The following MPZL2 variants were observed in gnomAD, a reference collection of about 807,000 sequenced individuals.
The protein encoded by MPZL2 is myelin protein zero-like protein 2.
MPZL2 carries 32 observed loss-of-function variants against 24.5 expected under a neutral mutation model. The observed-to-expected ratio is 1.31, with a 90% CI of 0.99 to 1.76. MPZL2 has a LOEUF of 1.76. Ranked by LOEUF, MPZL2 falls within the 40% of genes most tolerant of loss-of-function variation. MPZL2 has a pLI of 0.00. For missense variants in MPZL2, 304 were observed against 274.9 expected (o/e 1.11, Z -0.75); for synonymous variants, 92 against 97.9 (o/e 0.94, Z 0.36).
rs778777554 is a variant in MPZL2, at chr11:118,260,079, C to G, written c.559G>C (p.Ala187Pro). The G allele has an allele frequency of 1.6e-5, 26 of 1,613,880 alleles. No individual in the cohort carries two copies. Among genetic ancestry groups the G allele is most frequent in the Non-Finnish European group, 2.1e-5 (25 of 1,179,918 alleles). ...HYRKKRWAER[A>P]HKVVEIKSKE... ...GATTTTATCTCCACCACTTTATGAG[C>G]TCTTTCGGCCCATCGCTTTTTCCGG... Residue 187 changes from alanine to proline, a missense_variant, in exon 4 of 6, where the codon GCT becomes CCT. Physicochemically the swap from Ala to Pro is conservative, Grantham distance 27. Transcript: ENST00000278937.
rs781031061 is a variant in MPZL2 at position 118,264,198 on chromosome 11, G to C, written c.-45C>G. On this transcript the variant is annotated 5_prime_UTR_variant, in exon 1 of 6. Transcript: ENST00000278937. ...CCCCAGAGACCGGACGGGGCAGACCGAGGGCTCCAACACCCTGCCAAGGCC... is the reference window on the plus strand; with the variant it reads ...CCCCAGAGACCGGACGGGGCAGACCCAGGGCTCCAACACCCTGCCAAGGCC... 10 of 1,599,720 alleles carry C rather than the reference G, an allele frequency of 6.3e-6. No homozygotes were observed. The highest frequency in any genetic ancestry group is 8.6e-6 in the Non-Finnish European group (10 of 1,167,522).
At chr11:118,259,958 G>A in intron 4 of MPZL2, 96 bp downstream of exon 4, 1 of 1,396,340 alleles carries the variant, frequency 7.2e-7, no homozygotes. Flanking sequence ...TTTACTTAAA[G>A]GGAAAAACAT....
rs538994749 is a variant in MPZL2 at position 118,259,855 on chromosome 11, G to A, written c.584+199C>T. On this transcript the variant is annotated intron_variant, in intron 4 of 5. Coordinates refer to ENST00000278937, the MANE Select transcript of MPZL2 (RefSeq NM_005797.4). ...CCCACATAGTAAAGAAATCCCATAA[G>A]GAAATATTTTGTAAAATTAAGAAAG... is the stretch of plus-strand genomic sequence containing the variant. 8.1e-4 allele frequency: 445 copies of A among 549,422 alleles called. 2 individuals are homozygous for A. Among genetic ancestry groups the A allele is most frequent in the Non-Finnish European group, 1.1e-3 (371 of 334,602 alleles). The allele number at this position is 549,422 out of a possible 1,614,324, so 34.0% of individuals were successfully genotyped here. A position where few individuals can be genotyped will look rare whatever the true frequency, so the allele number is the denominator to read the frequency against.
At chr11:118,263,617 C>A (rs1949719067) in intron 1 of MPZL2, among the ~76,000 whole-genome samples, 1 of 152,126 alleles carries the variant, frequency 6.6e-6, no homozygotes, top group South Asian at 2.1e-4. Flanking sequence ...CTTATGTTTG[C>A]CTGCACCCCT....
intron 1 of MPZL2, 61 bp from the exon 2 acceptor site, chr11:118,263,158 G>A: frequency 6.7e-7 from 1 of 1,499,048 alleles, no homozygotes; most frequent in Non-Finnish European, 9.1e-7. Context: ...GAGAACTTCT[G>A]CTGACACTTC....
intron 3 of MPZL2, among the ~76,000 whole-genome samples, chr11:118,260,576 G>T (rs1216693768): frequency 6.6e-6 from 1 of 152,046 alleles, no homozygotes; most frequent in Non-Finnish European, 1.5e-5. Context: ...CTACTTATGG[G>T]GTAAGGTTTT....
At position 118,262,581 on chromosome 11, in the gene MPZL2, T is replaced by G; in HGVS notation, c.293A>C (p.Asp98Ala). The G allele has an allele frequency of 6.2e-7, 1 of 1,614,098 alleles. No individual in the cohort carries two copies. The highest frequency in any genetic ancestry group is 8.5e-7 in the Non-Finnish European group (1 of 1,180,004). ...GGCATCGTACCGCTCAGGATTCCCA[T>G]CCCAAGACACCCGGTCCTTAAACCG... ...SGRFKDRVSW[D>A]GNPERYDASI... The change falls in exon 3 of 6, where the codon GAT becomes GCT. Residue 98 changes from aspartate (D) to alanine (A), a missense_variant. Coordinates refer to ENST00000278937, the MANE Select transcript of MPZL2 (RefSeq NM_005797.4).
intron 2 of MPZL2, 86 bp from the exon 3 acceptor site, chr11:118,262,734 C>A: frequency 4.2e-6 from 6 of 1,425,704 alleles, no homozygotes; most frequent in Non-Finnish European, 4.9e-6. Context: ...GAAACACCAG[C>A]AAACCCAACT....
chr11:118,257,252 A>G lies in MPZL2; in HGVS notation c.646T>C (p.Ter216GlnextTer3), dbSNP rs1458748247. The G allele has an allele frequency of 6.2e-7, 1 of 1,609,264 alleles. No homozygotes were observed. The highest frequency in any genetic ancestry group is 8.5e-7 in the Non-Finnish European group (1 of 1,176,940). ...KVSVYLEDTD[*>Q] is the part of the protein sequence containing the mutation. ...GTGAACCTTACCATCTAAAATTGTT[A>G]GTCTGTGTCTTCTAAATAAACAGAG... The change falls in exon 5 of 6, where the codon TAA becomes CAA. Residue 216 changes from the stop codon to glutamine, a stop_lost. Coordinates refer to ENST00000278937, the MANE Select transcript of MPZL2 (RefSeq NM_005797.4).
Position 118,253,670 on chromosome 11 carries a change from A to T in MPZL2, c.*1576T>A, listed in dbSNP as rs1270516469. On this transcript the variant is annotated 3_prime_UTR_variant, in exon 6 of 6. Coordinates refer to ENST00000278937, the MANE Select transcript of MPZL2 (RefSeq NM_005797.4). ...CATCTGTTTGAAGAAATATCCAGTT[A>T]TAATATTTTCAAAGGTTAGAATTGT... 6.6e-6 allele frequency: 1 copy of T among 152,186 alleles called. No homozygotes were observed. The highest frequency in any genetic ancestry group is 2.1e-4 in the South Asian group (1 of 4,836). The allele number at this position is 152,186 out of a possible 1,614,324, so 9.4% of individuals were successfully genotyped here. A position where few individuals can be genotyped will look rare whatever the true frequency, so the allele number is the denominator to read the frequency against.
At position 118,253,880 on chromosome 11, in the gene MPZL2, G is replaced by GA. The variant is rs1325623450; in HGVS notation, c.*1365dup. The GA allele has an allele frequency of 6.6e-6, 1 of 152,556 alleles. No individual in the cohort carries two copies. The highest frequency in any genetic ancestry group is 2.4e-5 in the African/African-American group (1 of 41,520). The allele number at this position is 152,556 out of a possible 1,614,324, so 9.5% of individuals were successfully genotyped here. On this transcript the variant is annotated 3_prime_UTR_variant, in exon 6 of 6. Transcript: ENST00000278937. The stretch of plus-strand genomic sequence containing the variant: ...TACAATTTTTTAAAAAATAGTATTG[G>GA]AAAAATATCAAGGTCTATACATTTA...
rs538712970 is a variant in MPZL2, at chr11:118,256,354, G to A, written c.*12+884C>T. On this transcript the variant is annotated intron_variant, in intron 5 of 5. Coordinates refer to ENST00000278937, the MANE Select transcript of MPZL2 (RefSeq NM_005797.4). ...TTTCAGAGAATGGGAGAAATTCTGA[G>A]CATATGAAAAATAAATTGGCCCGGC... Among the ~76,000 whole-genome samples the A allele has an allele frequency of 2.6e-5, 4 of 152,276 alleles. No homozygotes were observed. The South Asian group carries it at 8.3e-4, about 32-fold the overall frequency.
chr11:118,262,256 C>T (rs1451917123), intron 3 of MPZL2, among the ~76,000 whole-genome samples, 182 bp downstream of exon 3: 2 of 152,184 alleles, frequency 1.3e-5, no homozygotes, highest in African/African-American at 4.8e-5. Flanking sequence ...CCAAACAAAG[C>T]CTTTCTCTTT....
rs1253803266 is a variant in MPZL2 at position 118,264,138 on chromosome 11, A to G, written c.16T>C (p.Ser6Pro). 1 of 1,613,964 alleles carries G rather than the reference A, an allele frequency of 6.2e-7. No homozygotes were observed. Among genetic ancestry groups the G allele is most frequent in the African/African-American group, 1.3e-5 (1 of 74,906 alleles). The change falls in exon 1 of 6, where the codon TCT becomes CCT. Residue 6 changes from serine to proline, a missense_variant. Coordinates refer to ENST00000278937, the MANE Select transcript of MPZL2 (RefSeq NM_005797.4). Reference sequence around the variant, plus strand: ...AGGAGAAGAAGCACCGCACGAGTAGAGCTCTTGCCATACATGAGGGAAACC... The same window carrying G: ...AGGAGAAGAAGCACCGCACGAGTAGGGCTCTTGCCATACATGAGGGAAACC... MYGKSSTRAVLLLLGI... is the reference protein window; with the variant it reads MYGKSPTRAVLLLLGI...
intron 1 of MPZL2, among the ~76,000 whole-genome samples, chr11:118,263,510 T>C (rs1256741854): frequency 6.6e-6 from 1 of 152,204 alleles, no homozygotes; most frequent in Admixed American, 6.5e-5. Flanking sequence ...GTATGTAAAG[T>C]GGTCTCCTAG....
At chr11:118,258,886 A>G (rs535210403) in intron 4 of MPZL2, among the ~76,000 whole-genome samples, 2 of 152,260 alleles carry the variant, frequency 1.3e-5, no homozygotes, top group South Asian at 2.1e-4. Flanking sequence ...TCAGGAGCCA[A>G]CCAACATCGG....
intron 5 of MPZL2, 129 bp from the exon 6 acceptor site, chr11:118,255,362 C>T (rs1374538824): frequency 3.3e-5 from 5 of 151,910 alleles, no homozygotes; most frequent in African/African-American, 1.2e-4. Context: ...TCATATTCTC[C>T]CCCAATTTAA....
In MPZL2 at chr11:118,264,112, A is replaced by G. The variant is rs1440660558; in HGVS notation, c.42T>C (p.Leu14=). The G allele has an allele frequency of 3.1e-6, 5 of 1,614,118 alleles. No individual in the cohort carries two copies. The African/African-American group carries it at 5.3e-5, about 17-fold the overall frequency. ...KSSTRAVLLL[L]GIQLTALWPI... The stretch of plus-strand genomic sequence containing the variant: ...GGCTCTTACCTGTGAGCTGTATGCC[A>G]AGGAGAAGAAGCACCGCACGAGTAG... Residue 14 remains leucine (L), a synonymous_variant, in exon 1 of 6, where the codon CTT becomes CTC. Transcript: ENST00000278937.
chr11:118,262,667 A>C lies in MPZL2; in HGVS notation c.226-19T>G. 6.2e-7 allele frequency: 1 copy of C among 1,609,800 alleles called. No individual in the cohort carries two copies. The highest frequency in any genetic ancestry group is 8.5e-7 in the Non-Finnish European group (1 of 1,177,310). On this transcript the variant is annotated intron_variant, in intron 2 of 5. Coordinates refer to ENST00000278937, the MANE Select transcript of MPZL2 (RefSeq NM_005797.4). ...AGAATACCTAGAGAGGGGAAATGGC[A>C]AAAGGTCTTCTTACTCAGCACCCAG...
Sources: gnomAD v4.1 joint callset for allele counts (sites outside exome capture counted in the v4.1 genomes callset) on GRCh38, gnomAD v4.1.1 for gene constraint, MANE v1.5 for transcripts, NCBI Gene and HGNC (gene_info 2026-07-23, HGNC 2026-07-21) for gene names.